The following OPCML variants were observed in gnomAD, a reference collection of about 807,000 sequenced individuals.
The protein encoded by OPCML is opioid binding protein/cell adhesion molecule like.
Under a neutral mutation model 37.8 loss-of-function variants are expected in OPCML, and 13 were observed. The ratio of observed to expected loss-of-function variants is 0.34; its 90% CI spans 0.22 to 0.55. The LOEUF (loss-of-function observed/expected upper bound fraction) is 0.55, where lower values mean the gene tolerates loss of function less well. Among genes scored for constraint, OPCML ranks in the 20% least tolerant of loss-of-function variants. The pLI is 0.91. For missense variants in OPCML, 341 were observed against 435.6 expected (o/e 0.78, Z 1.93); for synonymous variants, 176 against 168.8 (o/e 1.04, Z -0.33).
At chr11:133,058,875 A>C (rs1323199936) in intron 1 of OPCML, among the ~76,000 whole-genome samples, 5 of 152,226 alleles carry the variant, frequency 3.3e-5, no homozygotes, top group Non-Finnish European at 5.9e-5. Context: ...GAGAAAAATG[A>C]AGCCTGAAGT....
intron 2 of OPCML, among the ~76,000 whole-genome samples, chr11:132,688,637 G>A (rs1336605686): frequency 6.6e-6 from 1 of 152,074 alleles, no homozygotes; most frequent in Non-Finnish European, 1.5e-5. Flanking sequence ...ACATTAAGTA[G>A]AACCAGGCTG....
chr11:132,668,691 C>T (rs946608840), intron 2 of OPCML, among the ~76,000 whole-genome samples: 9 of 152,142 alleles, frequency 5.9e-5, no homozygotes, highest in East Asian at 1.9e-4. Flanking sequence ...AGTTCTGATG[C>T]CTTCTCCTTC....
chr11:133,498,022 C>T (rs1947822374), intron 1 of OPCML, among the ~76,000 whole-genome samples: 1 of 152,234 alleles, frequency 6.6e-6, no homozygotes, highest in African/African-American at 2.4e-5. Flanking sequence ...AAGGGAACAT[C>T]AGCTGCACTT....
intron 1 of OPCML, among the ~76,000 whole-genome samples, chr11:133,471,003 G>T (rs572315062): frequency 6.6e-6 from 1 of 152,324 alleles, no homozygotes; most frequent in African/African-American, 2.4e-5. Context: ...TAAGGAAAAG[G>T]CTTCTGTTAG....
intron 1 of OPCML, among the ~76,000 whole-genome samples, chr11:133,437,673 C>T (rs1946267073): frequency 6.9e-6 from 1 of 145,710 alleles, no homozygotes; most frequent in Non-Finnish European, 1.5e-5. Flanking sequence ...CTCTCAACCC[C>T]GCTCACCTCT....
At chr11:132,729,391 T>A (rs1004349684) in intron 2 of OPCML, among the ~76,000 whole-genome samples, 50 of 135,646 alleles carry the variant, frequency 3.7e-4, no homozygotes, top group African/African-American at 1.4e-3. Flanking sequence ...ATTATAGATT[T>A]TACACACACA....
intron 1 of OPCML, among the ~76,000 whole-genome samples, chr11:133,505,415 C>T (rs6590716): frequency 0.062 from 9,453 of 152,248 alleles, 397 homozygotes; most frequent in African/African-American, 0.13. Context: ...GCTGTTCTGA[C>T]GGCTGAGTCT....
chr11:133,408,530 G>C (rs1214443492), intron 1 of OPCML, among the ~76,000 whole-genome samples: 1 of 152,148 alleles, frequency 6.6e-6, no homozygotes, highest in South Asian at 2.1e-4. Flanking sequence ...TTCCAACCCA[G>C]TTATTCTAGT....
chr11:132,691,448 G>A (rs1325080010), intron 2 of OPCML, among the ~76,000 whole-genome samples: 1 of 152,210 alleles, frequency 6.6e-6, no homozygotes, highest in African/African-American at 2.4e-5. Flanking sequence ...CAACTTCTGT[G>A]TTATTTCTCC....
chr11:133,337,675 A>G (rs1326300358), intron 1 of OPCML, among the ~76,000 whole-genome samples: 1 of 152,162 alleles, frequency 6.6e-6, no homozygotes, highest in Non-Finnish European at 1.5e-5. Flanking sequence ...TTTACAGCAG[A>G]CTTCATCAAA....
At chr11:133,115,234 G>T (rs577912504) in intron 1 of OPCML, among the ~76,000 whole-genome samples, 1 of 152,210 alleles carries the variant, frequency 6.6e-6, no homozygotes, top group Non-Finnish European at 1.5e-5. Context: ...CTTGGTCTAG[G>T]ATCATGAAGC....
At chr11:132,945,063 T>C (rs1945715900) in intron 1 of OPCML, among the ~76,000 whole-genome samples, 1 of 152,276 alleles carries the variant, frequency 6.6e-6, no homozygotes, top group South Asian at 2.1e-4. Context: ...CTAAAAGGGT[T>C]AGCCCACATA....
rs1029417147 is a variant in OPCML, at chr11:132,419,219, T to C, written c.*974A>G. The C allele has an allele frequency of 6.6e-6, 1 of 152,202 alleles. No individual in the cohort carries two copies. The highest frequency in any genetic ancestry group is 2.4e-5 in the African/African-American group (1 of 41,436). The allele number at this position is 152,202 out of a possible 1,614,324, so 9.4% of individuals were successfully genotyped here. A position where few individuals can be genotyped will look rare whatever the true frequency, so the allele number is the denominator to read the frequency against. ...GGTTAGAGATTCATATGGGGATGAA[T>C]TGATAGTGAGTAGTAGGGAGAGAAT... On this transcript the variant is annotated 3_prime_UTR_variant, in exon 8 of 8. Transcript: ENST00000524381.
At chr11:133,391,169 G>T (rs1161856263) in intron 1 of OPCML, among the ~76,000 whole-genome samples, 1 of 152,154 alleles carries the variant, frequency 6.6e-6, no homozygotes, top group Non-Finnish European at 1.5e-5. Context: ...GCGAAGACAC[G>T]GCATACACGT....
At chr11:132,768,898 G>C (rs1386365632) in intron 2 of OPCML, among the ~76,000 whole-genome samples, 1 of 152,134 alleles carries the variant, frequency 6.6e-6, no homozygotes, top group Admixed American at 6.5e-5. Context: ...GAGAAAGTGG[G>C]ACACAGATGA....
chr11:133,092,197 C>G (rs996312265), intron 1 of OPCML, among the ~76,000 whole-genome samples: 7 of 152,176 alleles, frequency 4.6e-5, no homozygotes, highest in Non-Finnish European at 8.8e-5. Flanking sequence ...CAGCCTTCCC[C>G]AGACACCAAC....
At chr11:133,437,303 A>G (rs1227025645) in intron 1 of OPCML, among the ~76,000 whole-genome samples, 1 of 152,124 alleles carries the variant, frequency 6.6e-6, no homozygotes, top group Non-Finnish European at 1.5e-5. Context: ...AATAATATCA[A>G]TAGGGGCTAA....
At position 133,208,276 on chromosome 11, in the gene OPCML, A is replaced by T. The variant is rs1442506805; in HGVS notation, c.62-265266T>A. 6.6e-6 allele frequency among the ~76,000 whole-genome samples: 1 copy of T among 152,202 alleles called. No individual in the cohort carries two copies. Among genetic ancestry groups the T allele is most frequent in the Non-Finnish European group, 1.5e-5 (1 of 68,038 alleles). On this transcript the variant is annotated intron_variant, in intron 1 of 7. Transcript: ENST00000524381. This position sits in a 1 kb window ranked among gnomAD's most constrained non-coding sequence, Gnocchi z 8.9. ...GCACTGTATTGTTGTATTACCACGTATAAATACCAGTGAGTGAATGAATGC... is the reference window on the plus strand; with the variant it reads ...GCACTGTATTGTTGTATTACCACGTTTAAATACCAGTGAGTGAATGAATGC...
At chr11:133,166,749 G>T (rs1356503280) in intron 1 of OPCML, among the ~76,000 whole-genome samples, 1 of 152,184 alleles carries the variant, frequency 6.6e-6, no homozygotes, top group Non-Finnish European at 1.5e-5. Context: ...AGCCAATTTG[G>T]TTACTAAGCC....
Sources: allele counts gnomAD v4.1 joint callset (sites outside exome capture counted in the v4.1 genomes callset), GRCh38; gene constraint gnomAD v4.1.1; non-coding constraint Gnocchi (gnomAD v3.1); transcripts MANE v1.5; gene names NCBI Gene and HGNC (gene_info 2026-07-23, HGNC 2026-07-21).